Variants in MAN2A1 observed in about 807,000 individuals in gnomAD.
The protein encoded by MAN2A1 is alpha-mannosidase 2.
A neutral mutation model predicts 142.6 loss-of-function variants in MAN2A1; 76 were observed. The ratio of observed to expected loss-of-function variants is 0.53; its 90% CI spans 0.44 to 0.65. The LOEUF (loss-of-function observed/expected upper bound fraction) is 0.65, where lower values mean the gene tolerates loss of function less well. Among genes scored for constraint, MAN2A1 ranks in the 30% least tolerant of loss-of-function variants. The probability of loss-of-function intolerance (pLI) is 0.00; values close to 1 mark genes in which losing one functional copy is unlikely to be tolerated. For synonymous variants in MAN2A1, 559 were observed against 473.2 expected (o/e 1.18, Z -2.35); for missense variants, 1,311 against 1,365.1 (o/e 0.96, Z 0.62).
chr5:109,791,761 A>G (rs989508844), intron 12 of MAN2A1, among the ~76,000 whole-genome samples: 2 of 152,020 alleles, frequency 1.3e-5, no homozygotes, highest in African/African-American at 4.8e-5. Context: ...TTAAAATTGT[A>G]TGTGGGTGAT....
chr5:109,762,675 T>C (rs1442464962), intron 5 of MAN2A1, among the ~76,000 whole-genome samples: 1 of 152,164 alleles, frequency 6.6e-6, no homozygotes, highest in Non-Finnish European at 1.5e-5. Context: ...AGTGCTGGCC[T>C]TCGATGTGCT....
intron 12 of MAN2A1, among the ~76,000 whole-genome samples, chr5:109,800,143 G>GCA (rs200136681): frequency 0.019 from 2,831 of 150,778 alleles, 34 homozygotes; most frequent in Middle Eastern, 0.078. Context: ...ACCCGAATGT[G>GCA]CACACACACA....
chr5:109,821,012 T>TA (rs1159774311), intron 15 of MAN2A1, among the ~76,000 whole-genome samples: 2 of 152,162 alleles, frequency 1.3e-5, no homozygotes, highest in Non-Finnish European at 2.9e-5. Context: ...TTCAGCCCTT[T>TA]AAAAAACAAA....
At chr5:109,848,164 C>A (rs1428317164) in intron 19 of MAN2A1, among the ~76,000 whole-genome samples, 1 of 152,106 alleles carries the variant, frequency 6.6e-6, no homozygotes, top group Non-Finnish European at 1.5e-5. Context: ...TATTTGAAAT[C>A]TTAGTAAAAT....
chr5:109,821,729 C>G (rs990071216), intron 15 of MAN2A1, among the ~76,000 whole-genome samples: 39 of 152,048 alleles, frequency 2.6e-4, no homozygotes, highest in African/African-American at 9.2e-4. Context: ...TTTCCTATTT[C>G]TATTCTTTGA....
intron 1 of MAN2A1, among the ~76,000 whole-genome samples, chr5:109,695,384 A>C (rs1004178857): frequency 6.6e-6 from 1 of 152,190 alleles, no homozygotes; most frequent in African/African-American, 2.4e-5. Context: ...CTGTGGGCAA[A>C]ATAGTGGCTA....
intron 5 of MAN2A1, among the ~76,000 whole-genome samples, chr5:109,759,964 TAG>T (rs1174955993): frequency 6.4e-3 from 184 of 28,712 alleles, no homozygotes; most frequent in African/African-American, 0.038. Flanking sequence ...TATATATATA[TAG>T]ATAGATAGAT....
At chr5:109,768,739 A>G (rs564958475) in intron 6 of MAN2A1, among the ~76,000 whole-genome samples, 59 of 152,320 alleles carry the variant, frequency 3.9e-4, no homozygotes, top group Non-Finnish European at 6.5e-4. Context: ...TTAGCTATAC[A>G]GTTTCTTAAT....
intron 20 of MAN2A1, among the ~76,000 whole-genome samples, chr5:109,858,713 T>C (rs1444396761): frequency 6.6e-6 from 1 of 152,238 alleles, no homozygotes; most frequent in East Asian, 1.9e-4. Flanking sequence ...CACCTTAGCA[T>C]GATAAGGACG....
chr5:109,775,039 C>G, intron 8 of MAN2A1, 74 bp downstream of exon 8: 1 of 1,015,564 alleles, frequency 9.8e-7, no homozygotes, highest in Admixed American at 2.7e-5. Context: ...AAACAGAAAT[C>G]CTTAGCTTCT....
In MAN2A1 at chr5:109,819,850, T is replaced by A. The variant is rs376083721; in HGVS notation, c.2291T>A (p.Phe764Tyr). The stretch of plus-strand genomic sequence containing the variant: ...GAAGGTATAACACTAGAGAACTCCT[T>A]TGTTTTACTTCGGTTTGATCAAACT... The part of the protein sequence containing the change: ...TEEGITLENS[F>Y]VLLRFDQTGL... Residue 764 changes from phenylalanine (F) to tyrosine (Y), a missense_variant, in exon 14 of 22, where the codon TTT becomes TAT. Physicochemically the swap from Phe to Tyr is conservative, Grantham distance 22 (BLOSUM62 3). This residue lies in a region of MAN2A1 where 890 missense variants were observed against 920.5 expected (regional missense o/e 0.97). Transcript: ENST00000261483. The A allele has an allele frequency of 4.4e-5, 70 of 1,604,738 alleles. No individual in the cohort carries two copies. The Middle Eastern group carries it at 5.0e-4, about 11-fold the overall frequency.
intron 10 of MAN2A1, among the ~76,000 whole-genome samples, chr5:109,785,954 G>T (rs10073930): frequency 6.6e-6 from 1 of 152,136 alleles, no homozygotes; most frequent in Non-Finnish European, 1.5e-5. Context: ...ATTGACTCAC[G>T]ACTTATATTA....
At chr5:109,704,526 A>G (rs563832241) in intron 1 of MAN2A1, among the ~76,000 whole-genome samples, 1 of 152,252 alleles carries the variant, frequency 6.6e-6, no homozygotes, top group Non-Finnish European at 1.5e-5. Flanking sequence ...AGATACATAC[A>G]GAATCGTGGC....
chr5:109,760,298 CT>C (rs1752807749), intron 5 of MAN2A1, among the ~76,000 whole-genome samples: 1 of 152,132 alleles, frequency 6.6e-6, no homozygotes, highest in Non-Finnish European at 1.5e-5. Context: ...ATTCATATCC[CT>C]GCAAAGACAT....
intron 10 of MAN2A1, among the ~76,000 whole-genome samples, chr5:109,785,761 T>G (rs1354805330): frequency 6.6e-6 from 1 of 152,060 alleles, no homozygotes; most frequent in Non-Finnish European, 1.5e-5. Context: ...GACTATTTTA[T>G]TTACTGTAGT....
rs549371685 is a variant in MAN2A1, at chr5:109,833,342, G to A, written c.2567-8986G>A. On this transcript the variant is annotated intron_variant, in intron 16 of 21. Transcript: ENST00000261483. The stretch of plus-strand genomic sequence containing the variant: ...GCGGCTGGGAGGTGGAGGTTGTAGC[G>A]AGCCGAGATCACGCCACTGCACTCC... Among the ~76,000 whole-genome samples the A allele has an allele frequency of 3.9e-5, 6 of 152,220 alleles. No individual in the cohort carries two copies. In the East Asian group the frequency reaches 7.8e-4, roughly 20 times the overall value.
Position 109,866,832 on chromosome 5 carries a change from C to T in MAN2A1, c.3283-14C>T, listed in dbSNP as rs1047034977. The stretch of plus-strand genomic sequence containing the variant: ...GTTGATCTAAATATGTAAATTTTAT[C>T]ATTTACTTTTCAGATATTGGTACAG... On this transcript the variant is annotated splice_polypyrimidine_tract_variant and intron_variant, in intron 21 of 21. Coordinates refer to ENST00000261483, the MANE Select transcript of MAN2A1 (RefSeq NM_002372.4). The T allele has an allele frequency of 1.9e-6, 3 of 1,550,228 alleles. No individual in the cohort carries two copies. The highest frequency in any genetic ancestry group is 2.7e-6 in the Non-Finnish European group (3 of 1,128,964).
At chr5:109,711,727 C>T (rs1751306598) in intron 1 of MAN2A1, among the ~76,000 whole-genome samples, 1 of 152,114 alleles carries the variant, frequency 6.6e-6, no homozygotes, top group African/African-American at 2.4e-5. Context: ...ATGTGTGCTC[C>T]CTCTCTTGCC....
intron 2 of MAN2A1, 129 bp from the exon 3 acceptor site, chr5:109,715,991 G>A (rs1408999472): frequency 3.6e-6 from 2 of 558,380 alleles, no homozygotes; most frequent in East Asian, 3.2e-5. Flanking sequence ...ACTCCTCAAT[G>A]TCTACAGAAA....
Sources: allele counts gnomAD v4.1 joint callset (sites outside exome capture counted in the v4.1 genomes callset), GRCh38; gene constraint gnomAD v4.1.1; regional missense constraint gnomAD v4.1.1; transcripts MANE v1.5; gene names NCBI Gene and HGNC (gene_info 2026-07-23, HGNC 2026-07-21).